Variants in TRPC6 observed in about 807,000 individuals in gnomAD.
TRPC6 encodes short transient receptor potential channel 6.
In TRPC6, 55 loss-of-function variants were observed where a neutral mutation model predicts 90.7. The observed-to-expected ratio is 0.61, with a 90% CI of 0.49 to 0.76. The LOEUF (loss-of-function observed/expected upper bound fraction) is 0.76. TRPC6 is among the 30% of genes least tolerant of loss of function. TRPC6 has a pLI of 0.00. For missense variants in TRPC6, 989 were observed against 1,122.7 expected (o/e 0.88, Z 1.70); for synonymous variants, 393 against 393.0 (o/e 1.00, Z 0.00).
intron 3 of TRPC6, 83 bp from the exon 4 acceptor site, chr11:101,489,184 T>C (rs1186637279): frequency 1.6e-6 from 2 of 1,234,664 alleles, no homozygotes; most frequent in Non-Finnish European, 2.4e-6. Flanking sequence ...AATAGTTCCA[T>C]GCTTTCCAAT....
chr11:101,515,071 A>AT (rs926638065), intron 1 of TRPC6, among the ~76,000 whole-genome samples: 1 of 152,204 alleles, frequency 6.6e-6, no homozygotes, highest in African/African-American at 2.4e-5. Flanking sequence ...TTACTATGAA[A>AT]TTGGTGATTT....
chr11:101,464,152 G>A (rs1327976904), intron 10 of TRPC6, among the ~76,000 whole-genome samples: 1 of 152,156 alleles, frequency 6.6e-6, no homozygotes, highest in Non-Finnish European at 1.5e-5. Flanking sequence ...ACTGTGGTCT[G>A]AGAGACCATT....
intron 6 of TRPC6, among the ~76,000 whole-genome samples, chr11:101,474,656 TTAATAA>T (rs1165906352): frequency 6.6e-6 from 1 of 152,100 alleles, no homozygotes; most frequent in Admixed American, 6.6e-5. Context: ...AAAATAAACA[TTAATAA>T]TAATAATGGA....
At chr11:101,579,935 C>T (rs1862157125) in intron 1 of TRPC6, among the ~76,000 whole-genome samples, 1 of 152,190 alleles carries the variant, frequency 6.6e-6, no homozygotes, top group South Asian at 2.1e-4. Context: ...CATCACTTCA[C>T]AATCTATACT....
At chr11:101,565,426 G>T (rs1861806993) in intron 1 of TRPC6, among the ~76,000 whole-genome samples, 1 of 151,964 alleles carries the variant, frequency 6.6e-6, no homozygotes, top group African/African-American at 2.4e-5. Context: ...TGAAATTACA[G>T]ACTTGAAGTT....
intron 2 of TRPC6, among the ~76,000 whole-genome samples, chr11:101,496,560 C>G (rs866062618): frequency 3.3e-4 from 51 of 152,306 alleles, no homozygotes; most frequent in African/African-American, 1.2e-3. Flanking sequence ...CTAGATATGT[C>G]AGCCTTTTTC....
At chr11:101,517,552 G>A (rs1477382537) in intron 1 of TRPC6, among the ~76,000 whole-genome samples, 1 of 152,090 alleles carries the variant, frequency 6.6e-6, no homozygotes, top group East Asian at 1.9e-4. Flanking sequence ...TTATTTAAGT[G>A]TTTGCATGCA....
chr11:101,583,018 G>A (rs1452047317), intron 1 of TRPC6, among the ~76,000 whole-genome samples: 2 of 152,184 alleles, frequency 1.3e-5, no homozygotes, highest in Non-Finnish European at 2.9e-5. Flanking sequence ...AGCGCAGGAT[G>A]AAGGGGTCTG....
chr11:101,521,238 G>A (rs1860652588), intron 1 of TRPC6, among the ~76,000 whole-genome samples: 1 of 152,184 alleles, frequency 6.6e-6, no homozygotes, highest in Admixed American at 6.5e-5. Context: ...CAGCTTCCTT[G>A]TGCAACCTCA....
At chr11:101,546,999 A>G (rs541166970) in intron 1 of TRPC6, among the ~76,000 whole-genome samples, 9 of 152,292 alleles carry the variant, frequency 5.9e-5, no homozygotes, top group African/African-American at 2.2e-4. Context: ...AACACATTAT[A>G]TTGTTTAAGG....
chr11:101,546,039 C>T (rs1311347695), intron 1 of TRPC6, among the ~76,000 whole-genome samples: 1 of 112,118 alleles, frequency 8.9e-6, no homozygotes, highest in Non-Finnish European at 1.8e-5. Flanking sequence ...TCTAGTATCA[C>T]ATTTATAACT....
rs1239223549 is a variant in TRPC6, at chr11:101,455,074, T to C, written c.2512A>G (p.Arg838Gly). 2 of 1,612,502 alleles carry C rather than the reference T, an allele frequency of 1.2e-6. No homozygotes were observed. Among genetic ancestry groups the C allele is most frequent in the South Asian group, 1.1e-5 (1 of 91,056 alleles). Residue 838 changes from arginine (R) to glycine (G), a missense_variant, in exon 11 of 13, where the codon AGG becomes GGG. Transcript: ENST00000344327. ...QVGHNKQPSIRSSEDFHLNSF... is the reference protein window; with the variant it reads ...QVGHNKQPSIGSSEDFHLNSF... ...TTTAGATGGAAATCTTCTGAGCTCC[T>C]TATACTTGGTTGTTTATTGTGCCCA...
chr11:101,496,302 A>G (rs1227447729), intron 2 of TRPC6, among the ~76,000 whole-genome samples: 1 of 152,144 alleles, frequency 6.6e-6, no homozygotes, highest in Non-Finnish European at 1.5e-5. Flanking sequence ...TATGATATAT[A>G]CAGTGTTGCA....
At chr11:101,549,992 C>A (rs894916320) in intron 1 of TRPC6, among the ~76,000 whole-genome samples, 4 of 151,460 alleles carry the variant, frequency 2.6e-5, no homozygotes, top group African/African-American at 9.7e-5. Context: ...ATTATAACCT[C>A]CCTTTTTTCT....
intron 2 of TRPC6, among the ~76,000 whole-genome samples, chr11:101,502,332 A>T (rs963289793): frequency 6.6e-6 from 1 of 152,208 alleles, no homozygotes; most frequent in Non-Finnish European, 1.5e-5. Context: ...TTTCTATCAC[A>T]TTGGATTATA....
chr11:101,580,243 C>G (rs1223577339), intron 1 of TRPC6, among the ~76,000 whole-genome samples: 1 of 151,978 alleles, frequency 6.6e-6, no homozygotes, highest in Non-Finnish European at 1.5e-5. Flanking sequence ...GGGATTCTTC[C>G]CCAAGTTCAG....
intron 1 of TRPC6, among the ~76,000 whole-genome samples, chr11:101,556,039 A>G (rs780747121): frequency 6.6e-6 from 1 of 152,208 alleles, no homozygotes; most frequent in East Asian, 1.9e-4. Flanking sequence ...TGGAAACACA[A>G]TATACCAAAA....
At chr11:101,492,839 G>C (rs960768650) in intron 2 of TRPC6, among the ~76,000 whole-genome samples, 8 of 152,178 alleles carry the variant, frequency 5.3e-5, no homozygotes, top group African/African-American at 1.7e-4. Context: ...GATTTTAATT[G>C]AAGAACTTTA....
At chr11:101,462,513 A>G (rs1859029345) in intron 10 of TRPC6, among the ~76,000 whole-genome samples, 1 of 152,156 alleles carries the variant, frequency 6.6e-6, no homozygotes, top group Admixed American at 6.5e-5. Context: ...TTCTCCTTGA[A>G]GAGGTCCTTC....
Sources: gnomAD v4.1 joint callset for allele counts (sites outside exome capture counted in the v4.1 genomes callset) on GRCh38, gnomAD v4.1.1 for gene constraint, MANE v1.5 for transcripts, NCBI Gene and HGNC (gene_info 2026-07-23, HGNC 2026-07-21) for gene names.